Variants in TOX observed in about 807,000 individuals in gnomAD.
TOX encodes thymocyte selection-associated high mobility group box protein TOX.
Under a neutral mutation model 53.7 loss-of-function variants are expected in TOX, and 11 were observed. That is an observed-to-expected ratio of 0.20 (90% CI 0.13 to 0.34). TOX has a LOEUF of 0.34. TOX is among the 10% of genes least tolerant of loss of function. The probability of loss-of-function intolerance (pLI) is 1.00; values close to 1 mark genes in which losing one functional copy is unlikely to be tolerated. For synonymous variants in TOX, 225 were observed against 245.3 expected (o/e 0.92, Z 0.77); for missense variants, 570 against 664.6 (o/e 0.86, Z 1.56).
intron 1 of TOX, among the ~76,000 whole-genome samples, chr8:59,084,391 A>G (rs1050035403): frequency 6.6e-5 from 10 of 152,150 alleles, no homozygotes; most frequent in African/African-American, 2.4e-4. Context: ...ACAAAAGTCT[A>G]TATTAGTCAG....
intron 3 of TOX, among the ~76,000 whole-genome samples, chr8:58,853,755 T>C (rs926864440): frequency 3.3e-5 from 5 of 152,238 alleles, no homozygotes; most frequent in African/African-American, 1.2e-4. Flanking sequence ...TCACATTTAC[T>C]AAAATGGTTG....
chr8:58,963,314 T>TATATAG lies in TOX; in HGVS notation c.103-3307_103-3306insCTATAT, dbSNP rs71557744. 3.8e-3 allele frequency among the ~76,000 whole-genome samples: 497 copies of TATATAG among 130,734 alleles called. 8 individuals carry two copies. The highest frequency in any genetic ancestry group is 4.5e-3 in the Non-Finnish European group (259 of 56,956). The allele number at this position is 130,734 out of a possible 152,430, so 85.8% of individuals were successfully genotyped here. On this transcript the variant is annotated intron_variant, in intron 1 of 8. Coordinates refer to ENST00000361421, the MANE Select transcript of TOX (RefSeq NM_014729.3). ...TAGAAGATAGATAGATAGATATATA[T>TATATAG]ATAGATAGATAGATAGATAGATAGA...
intron 1 of TOX, among the ~76,000 whole-genome samples, chr8:59,052,524 T>C (rs1803810400): frequency 6.6e-6 from 1 of 152,224 alleles, no homozygotes; most frequent in Non-Finnish European, 1.5e-5. Context: ...TTTAGTTGAC[T>C]ATTCTTAAAA....
At chr8:59,015,523 T>C (rs1813991433) in intron 1 of TOX, among the ~76,000 whole-genome samples, 1 of 152,190 alleles carries the variant, frequency 6.6e-6, no homozygotes, top group Non-Finnish European at 1.5e-5. Flanking sequence ...TTCACAGCTG[T>C]GAGCACGACT....
intron 3 of TOX, among the ~76,000 whole-genome samples, chr8:58,909,057 G>A (rs1460076634): frequency 6.6e-6 from 1 of 152,192 alleles, no homozygotes; most frequent in Non-Finnish European, 1.5e-5. Context: ...CAGAAACACT[G>A]TAGCTTCATG....
intron 1 of TOX, among the ~76,000 whole-genome samples, chr8:58,981,907 C>T (rs1327579114): frequency 6.6e-6 from 1 of 152,136 alleles, no homozygotes; most frequent in Non-Finnish European, 1.5e-5. Context: ...TCTCATCTTT[C>T]ATCACCCCCT....
At chr8:58,838,049 T>C (rs750795059) in intron 5 of TOX, 32 bp downstream of exon 5, 9 of 1,600,640 alleles carry the variant, frequency 5.6e-6, no homozygotes, top group Non-Finnish European at 6.8e-6. Flanking sequence ...TCTCAGCTTA[T>C]GTAGATTCCC....
chr8:58,965,895 T>C (rs4592019), intron 1 of TOX, among the ~76,000 whole-genome samples: 1,457 of 23,840 alleles, frequency 0.061, 27 homozygotes, highest in African/African-American at 0.19. Context: ...CGAGTCATCG[T>C]TTTTTTTTTT....
At chr8:58,968,710 T>C (rs921972221) in intron 1 of TOX, among the ~76,000 whole-genome samples, 1 of 152,196 alleles carries the variant, frequency 6.6e-6, no homozygotes, top group African/African-American at 2.4e-5. Context: ...ATCTGATAGA[T>C]GCATAGAGAA....
chr8:58,927,470 C>A (rs938517966), intron 3 of TOX, among the ~76,000 whole-genome samples: 2 of 152,182 alleles, frequency 1.3e-5, no homozygotes, highest in Admixed American at 1.3e-4. Context: ...TGCCAGCTGT[C>A]CATCCCTGTG....
At chr8:58,888,082 A>G (rs1811502431) in intron 3 of TOX, among the ~76,000 whole-genome samples, 1 of 152,066 alleles carries the variant, frequency 6.6e-6, no homozygotes, top group South Asian at 2.1e-4. Flanking sequence ...CTGTTACACC[A>G]TGGGATTTGT....
At chr8:59,076,464 G>C in intron 1 of TOX, among the ~76,000 whole-genome samples, 1 of 152,272 alleles carries the variant, frequency 6.6e-6, no homozygotes, top group South Asian at 2.1e-4. Flanking sequence ...GTCAAATCAA[G>C]TATAACTACT....
At chr8:58,958,920 G>A (rs1347768870) in intron 2 of TOX, among the ~76,000 whole-genome samples, 1 of 152,166 alleles carries the variant, frequency 6.6e-6, no homozygotes. Flanking sequence ...ATATACATTA[G>A]ATTTAATTCA....
chr8:58,838,425 AGGCTT>A, intron 4 of TOX, 114 bp from the exon 5 acceptor site: 1 of 786,956 alleles, frequency 1.3e-6, no homozygotes, highest in Non-Finnish European at 2.0e-6. Context: ...ACTCAAACAC[AGGCTT>A]TTCTAAGGGA....
Position 58,851,891 on chromosome 8 carries a change from T to A in TOX, c.412-86A>T. 12 of 1,145,786 alleles carry A rather than the reference T, an allele frequency of 1.0e-5. No homozygotes were observed. Among genetic ancestry groups the A allele is most frequent in the Non-Finnish European group, 1.3e-5 (12 of 909,276 alleles). 71.0% of individuals were successfully genotyped at this position (1,145,786 alleles called of 1,614,324 possible). ...AACAAATATGTTTTGGGCAAAAAAG[T>A]AATAATTCTTTAGATTTCCAGATGT... is the stretch of plus-strand genomic sequence containing the variant. On this transcript the variant is annotated intron_variant, in intron 3 of 8. Transcript: ENST00000361421. The surrounding 1 kb of genome is among the most constrained non-coding windows in gnomAD (Gnocchi z 4.4).
chr8:58,949,070 A>C (rs1812574955), intron 2 of TOX, among the ~76,000 whole-genome samples: 1 of 152,190 alleles, frequency 6.6e-6, no homozygotes, highest in South Asian at 2.1e-4. Flanking sequence ...TCTAAGCCTC[A>C]GTTTCCAAAG....
At chr8:58,923,311 C>T (rs939047703) in intron 3 of TOX, among the ~76,000 whole-genome samples, 1 of 152,006 alleles carries the variant, frequency 6.6e-6, no homozygotes, top group Non-Finnish European at 1.5e-5. Flanking sequence ...GCGATGAGGG[C>T]AGATTTCAAA....
chr8:59,012,756 G>C (rs1676560956), intron 1 of TOX, among the ~76,000 whole-genome samples: 1 of 151,934 alleles, frequency 6.6e-6, no homozygotes, highest in South Asian at 2.1e-4. Flanking sequence ...CTTCAAAAGT[G>C]ACAATTGCAG....
intron 1 of TOX, among the ~76,000 whole-genome samples, chr8:58,973,617 A>G (rs1349453215): frequency 6.6e-6 from 1 of 151,966 alleles, no homozygotes; most frequent in Non-Finnish European, 1.5e-5. Context: ...TGCATTAACC[A>G]TATAGTATAA....
Sources: gnomAD v4.1 joint callset for allele counts (sites outside exome capture counted in the v4.1 genomes callset) on GRCh38, gnomAD v4.1.1 for gene constraint, Gnocchi (gnomAD v3.1) non-coding constraint, MANE v1.5 for transcripts, NCBI Gene and HGNC (gene_info 2026-07-23, HGNC 2026-07-21) for gene names.